GRIN2A: variants seen among roughly 807,000 people sequenced by gnomAD.
GRIN2A encodes glutamate ionotropic receptor NMDA type subunit 2A.
GRIN2A carries 22 observed loss-of-function variants against 113.4 expected under a neutral mutation model. That is an observed-to-expected ratio of 0.19 (90% CI 0.14 to 0.28). The LOEUF is 0.28. Among genes scored for constraint, GRIN2A ranks in the 10% least tolerant of loss-of-function variants. GRIN2A has a pLI of 1.00. For missense variants in GRIN2A, 1,502 were observed against 1,887.0 expected, an observed-to-expected ratio of 0.80 and a Z score of 3.78; for synonymous variants, 827 against 738.4, an observed-to-expected ratio of 1.12 and a Z score of -1.94.
chr16:9,779,295 A>T (rs1307090031), intron 11 of GRIN2A, among the ~76,000 whole-genome samples: 1 of 152,242 alleles, frequency 6.6e-6, no homozygotes, highest in South Asian at 2.1e-4. Flanking sequence ...TCAGTTCTAC[A>T]TGCCAAGAAA....
At chr16:9,849,505 G>C (rs941277987) in intron 5 of GRIN2A, among the ~76,000 whole-genome samples, 3 of 151,558 alleles carry the variant, frequency 2.0e-5, no homozygotes, top group Non-Finnish European at 4.4e-5. Flanking sequence ...CCCATAACTC[G>C]GTTTTATCAT....
In GRIN2A at chr16:10,101,378, G is replaced by A. The variant is rs140151483; in HGVS notation, c.414+78620C>T. Among the ~76,000 whole-genome samples the A allele has an allele frequency of 4.5e-4, 68 of 152,300 alleles. No individual in the cohort carries two copies. The South Asian group carries it at 7.9e-3, about 18-fold the overall frequency. On this transcript the variant is annotated intron_variant, in intron 2 of 12. Transcript: ENST00000330684. ...GAAACTAAAAGCCACAACATGAAGC[G>A]TATACAAGAACCAGGTAAGTTAAGT...
chr16:10,134,556 A>C (rs943674382), intron 2 of GRIN2A, among the ~76,000 whole-genome samples: 1 of 152,118 alleles, frequency 6.6e-6, no homozygotes, highest in Non-Finnish European at 1.5e-5. Flanking sequence ...CAGCAAACCA[A>C]CAGGGGACAT....
At chr16:10,088,501 G>A (rs920639380) in intron 2 of GRIN2A, among the ~76,000 whole-genome samples, 11 of 152,150 alleles carry the variant, frequency 7.2e-5, no homozygotes, top group Non-Finnish European at 1.3e-4. Flanking sequence ...CTAGACCTGC[G>A]GCATCTCTTA....
intron 3 of GRIN2A, among the ~76,000 whole-genome samples, chr16:9,891,465 C>T (rs973773914): frequency 6.6e-6 from 1 of 152,178 alleles, no homozygotes; most frequent in African/African-American, 2.4e-5. Flanking sequence ...GAAAAAATGA[C>T]ATTCCATTAT....
intron 2 of GRIN2A, 27 bp downstream of exon 2, chr16:10,179,971 T>G (rs979550463): frequency 2.6e-6 from 4 of 1,512,834 alleles, no homozygotes; most frequent in Non-Finnish European, 3.6e-6. Flanking sequence ...TCCCAGGTCC[T>G]GGCAGGGCAT....
chr16:10,023,851 A>G (rs892792012), intron 2 of GRIN2A, among the ~76,000 whole-genome samples: 1 of 152,246 alleles, frequency 6.6e-6, no homozygotes, highest in Non-Finnish European at 1.5e-5. Flanking sequence ...GCACCATTTT[A>G]CATACAGAGA....
intron 8 of GRIN2A, among the ~76,000 whole-genome samples, chr16:9,831,599 T>C (rs2042497502): frequency 6.7e-6 from 1 of 148,726 alleles, no homozygotes; most frequent in Non-Finnish European, 1.5e-5. Flanking sequence ...CACTGCAGCC[T>C]CCACTTCCCG....
intron 2 of GRIN2A, among the ~76,000 whole-genome samples, chr16:10,162,265 C>A (rs1195865455): frequency 6.6e-6 from 1 of 152,172 alleles, no homozygotes; most frequent in Non-Finnish European, 1.5e-5. Flanking sequence ...AGTGTTAGAG[C>A]AGGTGGAGGT....
At chr16:10,066,772 G>A (rs1320538987) in intron 2 of GRIN2A, among the ~76,000 whole-genome samples, 1 of 152,110 alleles carries the variant, frequency 6.6e-6, no homozygotes, top group African/African-American at 2.4e-5. Flanking sequence ...GGCCAGCATG[G>A]TGCCCAGCTC....
chr16:10,030,404 C>T (rs554736542), intron 2 of GRIN2A, among the ~76,000 whole-genome samples: 8 of 152,244 alleles, frequency 5.3e-5, no homozygotes, highest in South Asian at 4.2e-4. Context: ...ACACCAAAGG[C>T]GTGTGGCTGC....
At chr16:10,172,927 C>A (rs1370171863) in intron 2 of GRIN2A, among the ~76,000 whole-genome samples, 3 of 152,164 alleles carry the variant, frequency 2.0e-5, no homozygotes, top group East Asian at 1.9e-4. Flanking sequence ...TTCTGCACAG[C>A]CCTCTTTCTC....
At chr16:9,822,704 T>C (rs561476018) in intron 9 of GRIN2A, among the ~76,000 whole-genome samples, 1 of 152,128 alleles carries the variant, frequency 6.6e-6, no homozygotes, top group African/African-American at 2.4e-5. Flanking sequence ...GGGTGCTCCA[T>C]AGGTATTTGT....
intron 2 of GRIN2A, among the ~76,000 whole-genome samples, chr16:9,991,087 A>G (rs985381878): frequency 1.5e-4 from 23 of 152,304 alleles, no homozygotes; most frequent in African/African-American, 4.3e-4. Context: ...AAAAAAAGAA[A>G]TAACTTGATA....
At chr16:9,927,211 T>G (rs1042446185) in intron 3 of GRIN2A, among the ~76,000 whole-genome samples, 2 of 152,232 alleles carry the variant, frequency 1.3e-5, no homozygotes, top group Non-Finnish European at 2.9e-5. Context: ...TAAGAATCTA[T>G]GGAACTCAAG....
chr16:9,804,035 A>G (rs2141247813), intron 10 of GRIN2A, among the ~76,000 whole-genome samples: 1 of 152,300 alleles, frequency 6.6e-6, no homozygotes. Context: ...GAGTCATCTA[A>G]GGGGCTGCAG....
At position 9,817,101 on chromosome 16, in the gene GRIN2A, G is replaced by A. The variant is rs2042199875; in HGVS notation, c.2168+5163C>T. ...AAACTTAGCTTTCAAGTTTTTCTCTGCCTATGCCTTTCTTCAAAAAATTAG... is the reference window on the plus strand; with the variant it reads ...AAACTTAGCTTTCAAGTTTTTCTCTACCTATGCCTTTCTTCAAAAAATTAG... On this transcript the variant is annotated intron_variant, in intron 10 of 12. Transcript: ENST00000330684. 2.6e-5 allele frequency among the ~76,000 whole-genome samples: 4 copies of A among 152,060 alleles called. No homozygotes were observed. In the South Asian group the frequency reaches 6.2e-4, roughly 24 times the overall value.
chr16:9,784,464 A>AAAAG (rs1470049158), intron 11 of GRIN2A, among the ~76,000 whole-genome samples: 10 of 149,450 alleles, frequency 6.7e-5, no homozygotes, highest in Admixed American at 6.6e-4. Context: ...CAAACAAACA[A>AAAAG]AAAACCTAAA....
chr16:10,063,468 A>C (rs1456512504), intron 2 of GRIN2A, among the ~76,000 whole-genome samples: 1 of 152,238 alleles, frequency 6.6e-6, no homozygotes, highest in Non-Finnish European at 1.5e-5. Context: ...CTTCTAGTAG[A>C]TGCTTATGAC....
Sources: gnomAD v4.1 joint callset for allele counts (sites outside exome capture counted in the v4.1 genomes callset) on GRCh38, gnomAD v4.1.1 for gene constraint, MANE v1.5 for transcripts, NCBI Gene and HGNC (gene_info 2026-07-23, HGNC 2026-07-21) for gene names.